CCDC158: variants seen among roughly 807,000 people sequenced by gnomAD.
The protein encoded by CCDC158 is coiled-coil domain-containing protein 158.
CCDC158 carries 116 observed loss-of-function variants against 138.6 expected under a neutral mutation model. That is an observed-to-expected ratio of 0.84 (90% CI 0.72 to 0.98). CCDC158 has a LOEUF of 0.98. Ranked by LOEUF, CCDC158 falls within the 50% of genes least tolerant of loss-of-function variation. The pLI is 0.00. For missense variants in CCDC158, 1,265 were observed against 1,306.1 expected (o/e 0.97, Z 0.48); for synonymous variants, 436 against 442.4 (o/e 0.99, Z 0.18).
At chr4:76,416,895 C>T (rs1008587625) in intron 1 of CCDC158, among the ~76,000 whole-genome samples, 2 of 152,216 alleles carry the variant, frequency 1.3e-5, no homozygotes, top group Non-Finnish European at 1.5e-5. Flanking sequence ...AACCCCCACA[C>T]AGAGTCCCTA....
At chr4:76,369,329 C>A in intron 11 of CCDC158, 97 bp downstream of exon 11, 1 of 1,153,850 alleles carries the variant, frequency 8.7e-7, no homozygotes, top group Non-Finnish European at 1.2e-6. Context: ...ATTTTAGGTC[C>A]ATATATGTTA....
Position 76,325,950 on chromosome 4 carries a change from G to A in CCDC158, c.3076C>T (p.His1026Tyr), listed in dbSNP as rs367625662. Residue 1026 changes from histidine (H) to tyrosine (Y), a missense_variant, in exon 23 of 25, where the codon CAC becomes TAC. Coordinates refer to ENST00000682701, the MANE Select transcript of CCDC158 (RefSeq NM_001394954.1). ...FNSSPKKSPV[H>Y]SLLTSSVEGS... Reference sequence around the variant, plus strand: ...TCAACTGAACTAGTTAGGAGTGAGTGCACTGGAGACTTCTTAGGAGAAGAA... The same window carrying A: ...TCAACTGAACTAGTTAGGAGTGAGTACACTGGAGACTTCTTAGGAGAAGAA... 2 of 1,613,226 alleles carry A rather than the reference G, an allele frequency of 1.2e-6. No homozygotes were observed. The highest frequency in any genetic ancestry group is 1.7e-6 in the Non-Finnish European group (2 of 1,179,228).
intron 23 of CCDC158, among the ~76,000 whole-genome samples, chr4:76,325,039 C>T (rs1720397080): frequency 6.6e-6 from 1 of 151,918 alleles, no homozygotes; most frequent in Non-Finnish European, 1.5e-5. Context: ...ACACACTTGC[C>T]CACCACAGAA....
At chr4:76,397,833 G>A (rs575341488) in intron 3 of CCDC158, among the ~76,000 whole-genome samples, 1 of 152,286 alleles carries the variant, frequency 6.6e-6, no homozygotes, top group South Asian at 2.1e-4. Context: ...CAATATGCAT[G>A]CCAGACCTTG....
chr4:76,334,859 C>T (rs1721327270), intron 18 of CCDC158, among the ~76,000 whole-genome samples: 1 of 152,200 alleles, frequency 6.6e-6, no homozygotes, highest in Non-Finnish European at 1.5e-5. Context: ...ACACCTGTCA[C>T]ACAGATTGGC....
chr4:76,344,927 G>A (rs1722399074), intron 18 of CCDC158: 1 of 1,529,930 alleles, frequency 6.5e-7, no homozygotes, highest in Non-Finnish European at 9.1e-7. Context: ...AATGTTTGGT[G>A]GCTTCTTCAA....
At chr4:76,344,413 T>C in intron 18 of CCDC158, 1 of 605,016 alleles carries the variant, frequency 1.7e-6, no homozygotes, top group Non-Finnish European at 3.0e-6. Flanking sequence ...GGTGGTATTG[T>C]CTTGTGCCAC....
At chr4:76,417,812 G>T (rs78723738) in intron 1 of CCDC158, among the ~76,000 whole-genome samples, 7,004 of 152,130 alleles carry the variant, frequency 0.046, 375 homozygotes, top group East Asian at 0.23. Context: ...CAGTGGCCAG[G>T]GATAACTTCT....
chr4:76,413,246 G>A (rs13434886), intron 1 of CCDC158, among the ~76,000 whole-genome samples: 4,452 of 151,890 alleles, frequency 0.029, 220 homozygotes, highest in African/African-American at 0.1. Flanking sequence ...GGCCAAGGAG[G>A]GATAATTGCT....
At chr4:76,361,504 G>A (rs1159377483) in intron 13 of CCDC158, among the ~76,000 whole-genome samples, 1 of 152,220 alleles carries the variant, frequency 6.6e-6, no homozygotes, top group African/African-American at 2.4e-5. Flanking sequence ...GGAGCTTGCA[G>A]TGAGCTGAGA....
chr4:76,353,152 C>G lies in CCDC158; in HGVS notation c.2416G>C (p.Val806Leu), dbSNP rs200012767. 6.2e-7 allele frequency: 1 copy of G among 1,613,318 alleles called. No individual in the cohort carries two copies. Among genetic ancestry groups the G allele is most frequent in the East Asian group, 2.2e-5 (1 of 44,858 alleles). ...TCCAGAGCCACTTCCATATTAGTAA[C>G]CTTTTCTTTCAAACGGCGTTCCTGA... ...RSQERRLKEK[V>L]TNMEVALDKA... Residue 806 changes from valine to leucine, a missense_variant, in exon 16 of 25, where the codon GTT (valine) becomes CTT (leucine). Physicochemically the swap from Val to Leu is conservative, Grantham distance 32. Transcript: ENST00000682701.
chr4:76,344,501 G>A (rs1022830058), intron 18 of CCDC158: 2 of 785,600 alleles, frequency 2.5e-6, no homozygotes, highest in East Asian at 2.5e-5. Context: ...CTACAGGCTT[G>A]TCCTCCAGCC....
At chr4:76,405,307 G>T (rs1728728000) in intron 2 of CCDC158, among the ~76,000 whole-genome samples, 2 of 152,128 alleles carry the variant, frequency 1.3e-5, no homozygotes, top group Admixed American at 6.5e-5. Flanking sequence ...CCCTCAAAAG[G>T]TTTGAAGCCA....
chr4:76,413,362 C>G (rs1729443251), intron 1 of CCDC158, among the ~76,000 whole-genome samples: 1 of 151,282 alleles, frequency 6.6e-6, no homozygotes, highest in Admixed American at 6.6e-5. Flanking sequence ...GTAGTCCCAG[C>G]TCCTCAGGAG....
chr4:76,400,491 C>T (rs555124275), intron 3 of CCDC158, among the ~76,000 whole-genome samples: 1 of 151,456 alleles, frequency 6.6e-6, no homozygotes, highest in African/African-American at 2.4e-5. Flanking sequence ...CAACATGGCA[C>T]ATGTATACAT....
intron 18 of CCDC158, among the ~76,000 whole-genome samples, chr4:76,342,498 G>A (rs1473189582): frequency 6.6e-6 from 1 of 152,122 alleles, no homozygotes. Context: ...ACTGTGCCTG[G>A]CAAAGGAGTT....
At chr4:76,375,731 A>G (rs1284107522) in intron 9 of CCDC158, 1 of 645,252 alleles carries the variant, frequency 1.5e-6, no homozygotes, top group Non-Finnish European at 2.8e-6. Flanking sequence ...AGAATAGAAA[A>G]CAGCATTACA....
At chr4:76,419,058 A>G (rs1279174759) in intron 1 of CCDC158, among the ~76,000 whole-genome samples, 5 of 152,182 alleles carry the variant, frequency 3.3e-5, no homozygotes, top group Non-Finnish European at 5.9e-5. Context: ...CACACAATGG[A>G]TAATCAATAA....
chr4:76,412,776 G>A (rs1729391901), intron 1 of CCDC158, among the ~76,000 whole-genome samples: 1 of 152,004 alleles, frequency 6.6e-6, no homozygotes, highest in Non-Finnish European at 1.5e-5. Context: ...ATAGCCTATA[G>A]CACTTATCTA....
Sources: allele counts gnomAD v4.1 joint callset (sites outside exome capture counted in the v4.1 genomes callset), GRCh38; gene constraint gnomAD v4.1.1; transcripts MANE v1.5; gene names NCBI Gene and HGNC (gene_info 2026-07-23, HGNC 2026-07-21).